Variants in PER3 observed in about 807,000 individuals in gnomAD.
The protein encoded by PER3 is period circadian protein homolog 3.
PER3 carries 107 observed loss-of-function variants against 127.2 expected under a neutral mutation model. The ratio of observed to expected loss-of-function variants is 0.84; its 90% CI spans 0.72 to 0.99. The LOEUF is 0.99. Among genes scored for constraint, PER3 ranks in the 50% least tolerant of loss-of-function variants. The probability of loss-of-function intolerance (pLI) is 0.00; values close to 1 mark genes in which losing one functional copy is unlikely to be tolerated. For missense variants in PER3, 1,560 were observed against 1,525.8 expected (o/e 1.02, Z -0.37); for synonymous variants, 618 against 585.8 (o/e 1.05, Z -0.79).
intron 13 of PER3, among the ~76,000 whole-genome samples, chr1:7,816,280 A>G (rs1175964754): frequency 7.7e-6 from 1 of 130,470 alleles, no homozygotes; most frequent in Non-Finnish European, 1.8e-5. Flanking sequence ...AAAATTAATA[A>G]GTCTTTAGCC....
At position 7,829,816 on chromosome 1, in the gene PER3, T is replaced by C. The variant is rs1413354183; in HGVS notation, c.2887-18T>C. On this transcript the variant is annotated intron_variant, in intron 18 of 21. Transcript: ENST00000377532. ...ATAAGAAGATTAAAGTGTCTTTTCA[T>C]GTGCCCTTACTTTCTAGCAGTGTGT... 1.9e-6 allele frequency: 3 copies of C among 1,588,880 alleles called. No individual in the cohort carries two copies. Among genetic ancestry groups the C allele is most frequent in the South Asian group, 1.1e-5 (1 of 90,450 alleles).
At chr1:7,835,980 T>C (rs1239776089) in intron 20 of PER3, 35 bp downstream of exon 20, 2 of 1,412,932 alleles carry the variant, frequency 1.4e-6, no homozygotes, top group Non-Finnish European at 2.0e-6. Flanking sequence ...ACTTTTTATA[T>C]TTTTGTGGTT....
chr1:7,788,076 C>G lies in PER3; in HGVS notation c.422C>G (p.Ser141Cys). The G allele has an allele frequency of 6.2e-7, 1 of 1,613,348 alleles. No individual in the cohort carries two copies. Among genetic ancestry groups the G allele is most frequent in the Non-Finnish European group, 8.5e-7 (1 of 1,179,328 alleles). ...TTTGTGGCAGTATTTTCATTTCTGTCTGGAAGGTTAGTGCACATTTCTGAA... is the reference window on the plus strand; with the variant it reads ...TTTGTGGCAGTATTTTCATTTCTGTGTGGAAGGTTAGTGCACATTTCTGAA... ...DTFVAVFSFLSGRLVHISEQA... is the reference protein window; with the variant it reads ...DTFVAVFSFLCGRLVHISEQA... Residue 141 changes from serine (S) to cysteine (C), a missense_variant, in exon 5 of 22, where the codon TCT (serine) becomes TGT (cysteine). Ser to Cys is a moderately radical substitution (Grantham distance 112, BLOSUM62 -1). This residue lies in a region of PER3 where 1,332 missense variants were observed against 1,223.6 expected (regional missense o/e 1.09). Coordinates refer to ENST00000377532, the MANE Select transcript of PER3 (RefSeq NM_001377275.1).
chr1:7,786,517 A>G (rs1390240886), intron 3 of PER3, among the ~76,000 whole-genome samples: 1 of 152,250 alleles, frequency 6.6e-6, no homozygotes, highest in Non-Finnish European at 1.5e-5. Flanking sequence ...CCTGTGATCC[A>G]GAACATGCAG....
chr1:7,790,499 T>C (rs2097114160), intron 5 of PER3, among the ~76,000 whole-genome samples: 1 of 152,214 alleles, frequency 6.6e-6, no homozygotes, highest in Non-Finnish European at 1.5e-5. Context: ...TTATGGGAAC[T>C]ATAATTCAAG....
At chr1:7,838,906 CTT>C (rs1424160527) in intron 21 of PER3, among the ~76,000 whole-genome samples, 1 of 152,138 alleles carries the variant, frequency 6.6e-6, no homozygotes, top group Non-Finnish European at 1.5e-5. Context: ...CAATCTCTGT[CTT>C]TTGATTGGAG....
rs1158743583 is a variant in PER3 at position 7,827,622 on chromosome 1, C to G, written c.2693C>G (p.Thr898Ser). The G allele has an allele frequency of 1.9e-6, 3 of 1,614,110 alleles. No homozygotes were observed. Among genetic ancestry groups the G allele is most frequent in the Non-Finnish European group, 2.5e-6 (3 of 1,180,044 alleles). Reference protein sequence around the residue: ...SPSMSSAMSPTLDPPPSVTSQ... With the variant: ...SPSMSSAMSPSLDPPPSVTSQ... ...TCAATGTCGTCAGCAATGAGTCCAA[C>G]TCTGGACCCACCCCCTTCAGTCACC... Residue 898 changes from threonine to serine, a missense_variant, in exon 18 of 22, where the codon ACT (threonine) becomes AGT (serine). Around this residue, in one of 3 missense-constraint regions of PER3, gnomAD observed 1,332 missense variants for 1,223.6 expected, o/e 1.09. Transcript: ENST00000377532.
chr1:7,796,355 G>T (rs1271157853), intron 6 of PER3, among the ~76,000 whole-genome samples: 4 of 119,408 alleles, frequency 3.3e-5, no homozygotes, highest in Admixed American at 1.1e-4. Context: ...ATCTCACTGT[G>T]TCCCCCAAGC....
intron 5 of PER3, among the ~76,000 whole-genome samples, chr1:7,789,486 C>T (rs2097108885): frequency 6.6e-6 from 1 of 152,182 alleles, no homozygotes; most frequent in South Asian, 2.1e-4. Flanking sequence ...CCCTCCTTGC[C>T]TTCTGCCGTG....
At chr1:7,830,266 T>C in intron 19 of PER3, 105 bp downstream of exon 19, 1 of 1,010,380 alleles carries the variant, frequency 9.9e-7, no homozygotes, top group East Asian at 2.4e-5. Context: ...GTACAAGGTT[T>C]TTTTTTCTTT....
intron 16 of PER3, among the ~76,000 whole-genome samples, chr1:7,825,583 C>T (rs1274678421): frequency 6.6e-6 from 1 of 152,152 alleles, no homozygotes; most frequent in Non-Finnish European, 1.5e-5. Flanking sequence ...CTATATTCAT[C>T]CTCGTTCATA....
At chr1:7,796,557 C>G (rs1375914546) in intron 6 of PER3, among the ~76,000 whole-genome samples, 1 of 152,032 alleles carries the variant, frequency 6.6e-6, no homozygotes, top group African/African-American at 2.4e-5. Flanking sequence ...TCAAGTGATC[C>G]AACCTCCTCG....
intron 5 of PER3, 37 bp from the exon 6 acceptor site, chr1:7,793,920 T>G: frequency 6.4e-7 from 1 of 1,570,860 alleles, no homozygotes; most frequent in Non-Finnish European, 8.8e-7. Context: ...AAGACCTGGA[T>G]AAGAGGGAGT....
At position 7,787,232 on chromosome 1, in the gene PER3, G is replaced by A. The variant is rs1291027205; in HGVS notation, c.390+396G>A. 7 of 903,418 alleles carry A rather than the reference G, an allele frequency of 7.7e-6. No individual in the cohort carries two copies. In the African/African-American group the frequency reaches 1.1e-4, roughly 14 times the overall value. The allele number at this position is 903,418 out of a possible 1,614,324, so 56.0% of individuals were successfully genotyped here. The stretch of plus-strand genomic sequence containing the variant: ...CTACTACTTCAAGTTGTAACAACTG[G>A]ATGTTATAGAACAGGTGAGTTGAGA... On this transcript the variant is annotated intron_variant, in intron 4 of 21. Transcript: ENST00000377532.
At chr1:7,806,836 T>TATATATA (rs1401946539) in intron 10 of PER3, among the ~76,000 whole-genome samples, 2 of 133,124 alleles carry the variant, frequency 1.5e-5, no homozygotes, top group Admixed American at 9.2e-5. Flanking sequence ...TATATATATA[T>TATATATA]TACATACACA....
chr1:7,830,979 A>G (rs983876189), intron 19 of PER3, among the ~76,000 whole-genome samples: 1 of 152,026 alleles, frequency 6.6e-6, no homozygotes, highest in African/African-American at 2.4e-5. Flanking sequence ...TAAATTATAG[A>G]CTCCATTTCT....
chr1:7,798,067 T>A (rs144203173), intron 6 of PER3, among the ~76,000 whole-genome samples: 136 of 152,328 alleles, frequency 8.9e-4, no homozygotes, highest in African/African-American at 3.2e-3. Flanking sequence ...CCCTCATCAC[T>A]GAAGCTGGAG....
At position 7,835,899 on chromosome 1, in the gene PER3, C is replaced by A. The variant is rs535774011; in HGVS notation, c.3352C>A (p.Arg1118=). The change falls in exon 20 of 22, where the codon CGG becomes AGG. Residue 1118 remains arginine, a synonymous_variant. Transcript: ENST00000377532. The part of the protein sequence containing the change: ...VAEEPIWRMI[R]QTPERILMTY... ...CGAAGAGCCCATCTGGAGAATGATACGGCAGACACCTGAGCGCATTCTCAT... is the reference window on the plus strand; with the variant it reads ...CGAAGAGCCCATCTGGAGAATGATAAGGCAGACACCTGAGCGCATTCTCAT... The A allele has an allele frequency of 4.3e-6, 7 of 1,610,876 alleles. No homozygotes were observed. Among genetic ancestry groups the A allele is most frequent in the African/African-American group, 2.7e-5 (2 of 74,972 alleles).
chr1:7,795,598 A>G (rs546933532), intron 6 of PER3, among the ~76,000 whole-genome samples: 21 of 152,338 alleles, frequency 1.4e-4, no homozygotes, highest in African/African-American at 4.8e-4. Context: ...GGGGTGGGCC[A>G]TGCCTGGCCT....
Sources: allele counts gnomAD v4.1 joint callset (sites outside exome capture counted in the v4.1 genomes callset), GRCh38; gene constraint gnomAD v4.1.1; regional missense constraint gnomAD v4.1.1; transcripts MANE v1.5; gene names NCBI Gene and HGNC (gene_info 2026-07-23, HGNC 2026-07-21).